Variants in LPO observed in about 807,000 individuals in gnomAD.
LPO encodes salivary peroxidase.
In LPO, 70 loss-of-function variants were observed where a neutral mutation model predicts 68.4. That is an observed-to-expected ratio of 1.02 (90% CI 0.84 to 1.25). LPO has a LOEUF of 1.25. Ranked by LOEUF, LPO falls within the 50% of genes most tolerant of loss-of-function variation. The pLI is 0.00. For synonymous variants in LPO, 360 were observed against 357.6 expected (o/e 1.01, Z -0.08); for missense variants, 873 against 908.4 (o/e 0.96, Z 0.50).
Position 58,268,015 on chromosome 17 carries a change from A to C in LPO, c.*21A>C. ...ATTAGGGGCCCGCGCTGCACAGGAA[A>C]GTTCCCTTTGGTCCACAGGGCCATT... On this transcript the variant is annotated 3_prime_UTR_variant, in exon 13 of 13. Transcript: ENST00000262290. The C allele has an allele frequency of 6.2e-7, 1 of 1,612,070 alleles. No homozygotes were observed. The highest frequency in any genetic ancestry group is 8.5e-7 in the Non-Finnish European group (1 of 1,179,684).
rs8178283 is a variant in LPO at position 58,241,190 on chromosome 17, A to G, written c.-2-1788A>G. Among the ~76,000 whole-genome samples, 404 of 129,480 alleles carry G rather than the reference A, an allele frequency of 3.1e-3. 4 individuals are homozygous for G. The highest frequency in any genetic ancestry group is 0.012 in the African/African-American group (386 of 33,026). 84.9% of individuals were successfully genotyped at this position (129,480 alleles called of 152,430 possible). A position where few individuals can be genotyped will look rare whatever the true frequency, so the allele number is the denominator to read the frequency against. ...CAGTGGCGCAATCTTGGCTCACTGC[A>G]GCCTCCACCTCCCAGGTTCAAGGGA... On this transcript the variant is annotated intron_variant, in intron 1 of 12. Coordinates refer to ENST00000262290, the MANE Select transcript of LPO (RefSeq NM_006151.3).
chr17:58,255,075 A>G, intron 9 of LPO, 104 bp downstream of exon 9: 2 of 1,206,610 alleles, frequency 1.7e-6, no homozygotes, highest in Non-Finnish European at 2.3e-6. Context: ...CTGTTCCCAC[A>G]CCTCCGTTTC....
intron 1 of LPO, among the ~76,000 whole-genome samples, chr17:58,240,157 A>G (rs1439438644): frequency 6.6e-6 from 1 of 152,160 alleles, no homozygotes; most frequent in Admixed American, 6.5e-5. Context: ...AGGAGGTGAA[A>G]TTTGGTCTGG....
In LPO at chr17:58,264,864, A is replaced by T; in HGVS notation, c.1409A>T (p.Glu470Val). ...TTCGCCTTCCGCTTTGGCCACTTGG[A>T]GGTCCCCTCTAGTATGTTCCGCCTG... The part of the protein sequence containing the change: ...FTFAFRFGHL[E>V]VPSSMFRLDE... Residue 470 changes from glutamate to valine, a missense_variant, in exon 10 of 13, where the codon GAG becomes GTG. Glu to Val is a moderately radical substitution (Grantham distance 121). Coordinates refer to ENST00000262290, the MANE Select transcript of LPO (RefSeq NM_006151.3). The T allele has an allele frequency of 6.2e-7, 1 of 1,614,212 alleles. No individual in the cohort carries two copies. The highest frequency in any genetic ancestry group is 8.5e-7 in the Non-Finnish European group (1 of 1,180,040).
chr17:58,268,013 A>C lies in LPO; in HGVS notation c.*19A>C. 1 of 1,612,262 alleles carries C rather than the reference A, an allele frequency of 6.2e-7. No individual in the cohort carries two copies. The highest frequency in any genetic ancestry group is 8.5e-7 in the Non-Finnish European group (1 of 1,179,760). On this transcript the variant is annotated 3_prime_UTR_variant, in exon 13 of 13. Transcript: ENST00000262290. ...GAATTAGGGGCCCGCGCTGCACAGG[A>C]AAGTTCCCTTTGGTCCACAGGGCCA...
intron 8 of LPO, among the ~76,000 whole-genome samples, chr17:58,254,382 C>T (rs1041445493): frequency 1.3e-5 from 2 of 152,130 alleles, no homozygotes; most frequent in East Asian, 3.9e-4. Context: ...ACCTCAAACC[C>T]GCATTCCTAA....
At position 58,267,573 on chromosome 17, in the gene LPO, C is replaced by T. The variant is rs1395753106; in HGVS notation, c.1918C>T (p.Arg640Cys). The part of the protein sequence containing the change: ...CLLGKQFQQI[R>C]DGDRFWWENP... Reference sequence around the variant, plus strand: ...CTTGGGCAAGCAGTTCCAGCAGATCCGTGATGGAGACAGGCAAGTGCGTCC... The same window carrying T: ...CTTGGGCAAGCAGTTCCAGCAGATCTGTGATGGAGACAGGCAAGTGCGTCC... The change falls in exon 12 of 13, where the codon CGT becomes TGT. Residue 640 changes from arginine to cysteine, a missense_variant. Arg to Cys is a radical substitution (Grantham distance 180). Transcript: ENST00000262290. The T allele has an allele frequency of 5.0e-6, 8 of 1,609,142 alleles. No individual in the cohort carries two copies. The highest frequency in any genetic ancestry group is 5.9e-6 in the Non-Finnish European group (7 of 1,176,750).
chr17:58,256,990 C>CTTTTTTTTTTTTTT (rs1040765289), intron 9 of LPO, among the ~76,000 whole-genome samples: 1 of 75,040 alleles, frequency 1.3e-5, no homozygotes, highest in African/African-American at 5.9e-5. Context: ...AGGTCTTACT[C>CTTTTTTTTTTTTTT]TTTTTTTTTT....
At position 58,267,458 on chromosome 17, in the gene LPO, C is replaced by T. The variant is rs141238819; in HGVS notation, c.1803C>T (p.Tyr601=). The T allele has an allele frequency of 1.8e-5, 29 of 1,614,082 alleles. No individual in the cohort carries two copies. In the African/African-American group the frequency reaches 3.1e-4, roughly 17 times the overall value. ...TGGCCAAGAAGTTACTGGGTCTCTA[C>T]GGGACCCCTGACAACATCGACATCT... The part of the protein sequence containing the change: ...KMLAKKLLGL[Y]GTPDNIDIWI... Residue 601 remains tyrosine (Y), a synonymous_variant, in exon 12 of 13, where the codon TAC becomes TAT. Coordinates refer to ENST00000262290, the MANE Select transcript of LPO (RefSeq NM_006151.3).
chr17:58,241,233 C>T (rs1171683618), intron 1 of LPO, among the ~76,000 whole-genome samples: 1 of 149,566 alleles, frequency 6.7e-6, no homozygotes, highest in East Asian at 2.0e-4. Flanking sequence ...GCCTCAGTCT[C>T]CCGAGTAGCT....
chr17:58,257,728 T>C (rs1280242254), intron 9 of LPO, among the ~76,000 whole-genome samples: 1 of 152,244 alleles, frequency 6.6e-6, no homozygotes, highest in Non-Finnish European at 1.5e-5. Flanking sequence ...CTGTTCTCCA[T>C]AGTGGTTGTA....
chr17:58,255,373 T>C (rs1970051590), intron 9 of LPO, among the ~76,000 whole-genome samples: 1 of 152,270 alleles, frequency 6.6e-6, no homozygotes, highest in African/African-American at 2.4e-5. Context: ...CAGCGGATAC[T>C]GTTGATTGGC....
intron 9 of LPO, among the ~76,000 whole-genome samples, chr17:58,260,609 T>G (rs1970158226): frequency 6.6e-6 from 1 of 152,216 alleles, no homozygotes; most frequent in Non-Finnish European, 1.5e-5. Flanking sequence ...GGTGTAGAAC[T>G]TTGTCAAACG....
chr17:58,264,959 A>G lies in LPO; in HGVS notation c.1504A>G (p.Arg502Gly). Residue 502 changes from arginine (R) to glycine (G), a missense_variant, in exon 10 of 13, where the codon AGG becomes GGG. Coordinates refer to ENST00000262290, the MANE Select transcript of LPO (RefSeq NM_006151.3). ...CCACACCCTCTTCTTCAACACTTGG[A>G]GGATGGTCAAAGATGGTATGCCCTT... is the stretch of plus-strand genomic sequence containing the variant. ...PLHTLFFNTW[R>G]MVKDGGIDPL... 1 of 1,614,188 alleles carries G rather than the reference A, an allele frequency of 6.2e-7. No homozygotes were observed. The highest frequency in any genetic ancestry group is 8.5e-7 in the Non-Finnish European group (1 of 1,180,024).
At chr17:58,242,808 G>A in intron 1 of LPO, 170 bp from the exon 2 acceptor site, 1 of 601,394 alleles carries the variant, frequency 1.7e-6, no homozygotes, top group South Asian at 2.0e-5. Flanking sequence ...CCAGTACCTA[G>A]CACAGGCCTG....
chr17:58,249,459 C>T (rs1032839551), intron 5 of LPO, 107 bp from the exon 6 acceptor site: 2 of 1,467,270 alleles, frequency 1.4e-6, no homozygotes, highest in African/African-American at 2.8e-5. Flanking sequence ...GCCCCCTTCT[C>T]TGCGTCCCCT....
intron 9 of LPO, among the ~76,000 whole-genome samples, chr17:58,259,218 T>C (rs1463808155): frequency 1.3e-5 from 2 of 152,210 alleles, no homozygotes; most frequent in African/African-American, 4.8e-5. Flanking sequence ...TAGTTTTATG[T>C]TTTACATTTA....
At chr17:58,260,326 T>C (rs942274451) in intron 9 of LPO, among the ~76,000 whole-genome samples, 2 of 152,176 alleles carry the variant, frequency 1.3e-5, no homozygotes, top group Non-Finnish European at 2.9e-5. Context: ...ATAAAGACAG[T>C]TGTGTTTCTT....
Position 58,266,303 on chromosome 17 carries a change from G to C in LPO, c.1670G>C (p.Arg557Pro), listed in dbSNP as rs550607244. The change falls in exon 11 of 13, where the codon CGT (arginine) becomes CCT (proline). Residue 557 changes from arginine to proline, a missense_variant. By Grantham distance (103) the Arg-to-Pro change is moderately radical. Coordinates refer to ENST00000262290, the MANE Select transcript of LPO (RefSeq NM_006151.3). ...GACCTGGCTGCCATCAACACACAGC[G>C]TTGCCGGGACCATGGGCAACCTGGT... ...GFDLAAINTQ[R>P]CRDHGQPGYN... The C allele has an allele frequency of 2.5e-6, 4 of 1,614,098 alleles. No homozygotes were observed. The highest frequency in any genetic ancestry group is 4.5e-5 in the East Asian group (2 of 44,890).
Sources: allele counts gnomAD v4.1 joint callset (sites outside exome capture counted in the v4.1 genomes callset), GRCh38; gene constraint gnomAD v4.1.1; transcripts MANE v1.5; gene names NCBI Gene and HGNC (gene_info 2026-07-23, HGNC 2026-07-21).